Variants in ALK observed in about 807,000 individuals in gnomAD.
ALK encodes ALK tyrosine kinase receptor.
Under a neutral mutation model 163.1 loss-of-function variants are expected in ALK, and 74 were observed. The ratio of observed to expected loss-of-function variants is 0.45; its 90% CI spans 0.38 to 0.55. The LOEUF is 0.55. Ranked by LOEUF, ALK falls within the 20% of genes least tolerant of loss-of-function variation. The probability of loss-of-function intolerance (pLI) is 0.00; values close to 1 mark genes in which losing one functional copy is unlikely to be tolerated. For missense variants in ALK, 2,063 were observed against 2,105.3 expected, an observed-to-expected ratio of 0.98 and a Z score of 0.39; for synonymous variants, 960 against 843.2, an observed-to-expected ratio of 1.14 and a Z score of -2.40.
chr2:29,695,959 T>C (rs1678546832), intron 2 of ALK, among the ~76,000 whole-genome samples: 1 of 152,218 alleles, frequency 6.6e-6, no homozygotes, highest in Non-Finnish European at 1.5e-5. Context: ...AGGGTGGCGA[T>C]TCCTCAAGGA....
At chr2:29,758,141 G>T (rs1019782357) in intron 1 of ALK, among the ~76,000 whole-genome samples, 2 of 151,408 alleles carry the variant, frequency 1.3e-5, no homozygotes, top group South Asian at 4.2e-4. Context: ...CTCTGGAGTA[G>T]CTAGGACCAC....
chr2:29,392,968 A>G (rs1284820582), intron 4 of ALK, among the ~76,000 whole-genome samples: 1 of 152,234 alleles, frequency 6.6e-6, no homozygotes, highest in East Asian at 1.9e-4. Context: ...ACTGTGTTTA[A>G]GATCACTCAA....
chr2:29,195,721 C>T (rs75599627), intron 28 of ALK, among the ~76,000 whole-genome samples: 15,709 of 152,150 alleles, frequency 0.1, 955 homozygotes, highest in Non-Finnish European at 0.12. Flanking sequence ...GGCAGTAGAG[C>T]GAGACTGCTC....
rs562371427 is a variant in ALK at position 29,727,572 on chromosome 2, C to G, written c.668-9875G>C. 7.2e-5 allele frequency among the ~76,000 whole-genome samples: 11 copies of G among 152,244 alleles called. 1 individual carries two copies. The highest frequency in any genetic ancestry group is 7.2e-4 in the Admixed American group (11 of 15,296). On this transcript the variant is annotated intron_variant, in intron 1 of 28. Coordinates refer to ENST00000389048, the MANE Select transcript of ALK (RefSeq NM_004304.5). Reference sequence around the variant, plus strand: ...TTTCCCAGCCAACTTTTGGGATGCTCAAAGAATTAATGAGACAGTATCTAC... The same window carrying G: ...TTTCCCAGCCAACTTTTGGGATGCTGAAAGAATTAATGAGACAGTATCTAC...
At chr2:29,753,385 C>T (rs1015292897) in intron 1 of ALK, among the ~76,000 whole-genome samples, 5 of 152,116 alleles carry the variant, frequency 3.3e-5, no homozygotes, top group Admixed American at 1.3e-4. Flanking sequence ...GGGGGGAGCA[C>T]GACCACTGTG....
intron 13 of ALK, among the ~76,000 whole-genome samples, chr2:29,238,992 C>T (rs929279980): frequency 2.6e-5 from 4 of 152,104 alleles, no homozygotes; most frequent in East Asian, 3.8e-4. Context: ...AATAAATTCC[C>T]GTGAAAATTA....
intron 4 of ALK, among the ~76,000 whole-genome samples, chr2:29,517,698 T>G (rs1672708342): frequency 6.6e-6 from 1 of 152,204 alleles, no homozygotes; most frequent in South Asian, 2.1e-4. Context: ...AATCACCACA[T>G]GATTATCAGG....
chr2:29,906,718 GAA>G (rs1297054118), intron 1 of ALK, among the ~76,000 whole-genome samples: 2 of 152,080 alleles, frequency 1.3e-5, no homozygotes, highest in African/African-American at 4.8e-5. Context: ...TTGCAAAAAC[GAA>G]AAGAGTACTA....
intron 4 of ALK, among the ~76,000 whole-genome samples, chr2:29,405,703 T>C (rs1273581438): frequency 6.6e-6 from 1 of 152,126 alleles, no homozygotes; most frequent in Non-Finnish European, 1.5e-5. Flanking sequence ...AGAGAGGTGA[T>C]AAAGAGAGGG....
intron 1 of ALK, among the ~76,000 whole-genome samples, chr2:29,786,526 CAGG>C (rs1371833706): frequency 6.6e-6 from 1 of 152,136 alleles, no homozygotes; most frequent in African/African-American, 2.4e-5. Context: ...GGAGGGCTTC[CAGG>C]AGTTGTGTAG....
At chr2:29,742,782 T>C (rs764106914) in intron 1 of ALK, among the ~76,000 whole-genome samples, 1 of 152,326 alleles carries the variant, frequency 6.6e-6, no homozygotes, top group East Asian at 1.9e-4. Flanking sequence ...TATTCCCTCC[T>C]TTTTGTTTGC....
At chr2:29,686,674 C>T (rs1678250534) in intron 3 of ALK, among the ~76,000 whole-genome samples, 1 of 152,170 alleles carries the variant, frequency 6.6e-6, no homozygotes, top group African/African-American at 2.4e-5. Flanking sequence ...CTCCCTATCT[C>T]CCTGTGGGCA....
At position 29,615,519 on chromosome 2, in the gene ALK, A is replaced by C. The variant is rs554979998; in HGVS notation, c.952+79331T>G. 2.6e-5 allele frequency among the ~76,000 whole-genome samples: 4 copies of C among 152,336 alleles called. No homozygotes were observed. In the South Asian group the frequency reaches 8.3e-4, roughly 32 times the overall value. ...TTTATTCTGTTAAGTGCTTCGAGAT[A>C]GTGTCGAACTCATAGTAAGTGCTTC... On this transcript the variant is annotated intron_variant, in intron 3 of 28. Transcript: ENST00000389048.
At chr2:29,206,852 C>T (rs1669324251) in intron 26 of ALK, among the ~76,000 whole-genome samples, 1 of 136,264 alleles carries the variant, frequency 7.3e-6, no homozygotes, top group South Asian at 2.4e-4. Flanking sequence ...TTTAAAATTA[C>T]ATGTGGCTGT....
chr2:29,749,765 A>G (rs1450209475), intron 1 of ALK, among the ~76,000 whole-genome samples: 1 of 152,202 alleles, frequency 6.6e-6, no homozygotes, highest in Non-Finnish European at 1.5e-5. Flanking sequence ...CAGCTTATCT[A>G]TAATATATGG....
intron 1 of ALK, among the ~76,000 whole-genome samples, chr2:29,733,907 G>A (rs1679817207): frequency 6.6e-6 from 1 of 152,154 alleles, no homozygotes; most frequent in Admixed American, 6.5e-5. Flanking sequence ...GACCTGCTGA[G>A]CCTGTGGCCT....
chr2:29,405,728 G>A (rs1199138607), intron 4 of ALK, among the ~76,000 whole-genome samples: 2 of 152,150 alleles, frequency 1.3e-5, no homozygotes, highest in Non-Finnish European at 2.9e-5. Context: ...CTTAACAAAA[G>A]GGATAAAAGG....
chr2:29,391,053 G>C lies in ALK; in HGVS notation c.1155-7194C>G, dbSNP rs942475492. On this transcript the variant is annotated intron_variant, in intron 4 of 28. Transcript: ENST00000389048. Reference sequence around the variant, plus strand: ...CTAAGGGGGCTCCAGGCTCTGTAGGGGGGGCCAAGGCAGGGCTGGGTTCCC... The same window carrying C: ...CTAAGGGGGCTCCAGGCTCTGTAGGCGGGGCCAAGGCAGGGCTGGGTTCCC... 5.3e-5 allele frequency among the ~76,000 whole-genome samples: 8 copies of C among 152,240 alleles called. 1 individual carries two copies. In the South Asian group the frequency reaches 1.2e-3, roughly 24 times the overall value.
At chr2:29,274,133 A>T (rs1353981205) in intron 11 of ALK, among the ~76,000 whole-genome samples, 1 of 152,166 alleles carries the variant, frequency 6.6e-6, no homozygotes, top group Non-Finnish European at 1.5e-5. Flanking sequence ...GCAGCTTTTC[A>T]TGGGACAGAA....
Sources: gnomAD v4.1 joint callset for allele counts (sites outside exome capture counted in the v4.1 genomes callset) on GRCh38, gnomAD v4.1.1 for gene constraint, MANE v1.5 for transcripts, NCBI Gene and HGNC (gene_info 2026-07-23, HGNC 2026-07-21) for gene names.